Variants in COL15A1 observed in about 807,000 individuals in gnomAD.
COL15A1 encodes the protein collagen type XV alpha 1 chain.
COL15A1 carries 111 observed loss-of-function variants against 165.9 expected under a neutral mutation model. That is an observed-to-expected ratio of 0.67 (90% CI 0.57 to 0.78). The LOEUF (loss-of-function observed/expected upper bound fraction) is 0.78. Among genes scored for constraint, COL15A1 ranks in the 30% least tolerant of loss-of-function variants. The pLI is 0.00. For missense variants in COL15A1, 1,745 were observed against 1,789.7 expected, an observed-to-expected ratio of 0.98 and a Z score of 0.45; for synonymous variants, 659 against 674.8, an observed-to-expected ratio of 0.98 and a Z score of 0.36.
intron 2 of COL15A1, among the ~76,000 whole-genome samples, chr9:98,952,232 C>T (rs1023733555): frequency 6.6e-6 from 1 of 152,148 alleles, no homozygotes; most frequent in Non-Finnish European, 1.5e-5. Context: ...GTAAGTCATT[C>T]CAATTCTTCC....
chr9:99,028,204 A>G (rs1839159962), intron 16 of COL15A1, among the ~76,000 whole-genome samples: 1 of 152,224 alleles, frequency 6.6e-6, no homozygotes, highest in Non-Finnish European at 1.5e-5. Context: ...TTTCTCTACA[A>G]AGAATAAGGT....
Position 99,034,955 on chromosome 9 carries a change from G to A in COL15A1, c.2080-59G>A. The A allele has an allele frequency of 3.5e-6, 5 of 1,431,726 alleles. No homozygotes were observed. In the South Asian group the frequency reaches 4.6e-5, roughly 13 times the overall value. 88.7% of individuals were successfully genotyped at this position (1,431,726 alleles called of 1,614,324 possible). Reference sequence around the variant, plus strand: ...GTGATTTTCTGATTCAGGCATGCATGTTGTTCCTTCCATGAGTGAACCCAG... The same window carrying A: ...GTGATTTTCTGATTCAGGCATGCATATTGTTCCTTCCATGAGTGAACCCAG... On this transcript the variant is annotated intron_variant, in intron 17 of 41. Coordinates refer to ENST00000375001, the MANE Select transcript of COL15A1 (RefSeq NM_001855.5).
At chr9:99,061,335 G>T (rs917630808) in intron 36 of COL15A1, among the ~76,000 whole-genome samples, 1 of 152,226 alleles carries the variant, frequency 6.6e-6, no homozygotes, top group East Asian at 1.9e-4. Context: ...ATTTCTTTGA[G>T]ATTTGATGCT....
chr9:99,051,858 C>A (rs534240901), intron 30 of COL15A1, among the ~76,000 whole-genome samples: 93 of 152,254 alleles, frequency 6.1e-4, no homozygotes, highest in Middle Eastern at 6.8e-3. Context: ...ACTCCAGACC[C>A]CTGAAACTTA....
chr9:98,996,282 C>T (rs1838541412), intron 5 of COL15A1, among the ~76,000 whole-genome samples: 1 of 152,218 alleles, frequency 6.6e-6, no homozygotes, highest in Non-Finnish European at 1.5e-5. Flanking sequence ...TGAATGCTGA[C>T]AAGCGCTGGG....
intron 36 of COL15A1, among the ~76,000 whole-genome samples, chr9:99,060,400 C>G (rs1283405587): frequency 6.7e-6 from 1 of 150,054 alleles, no homozygotes; most frequent in Non-Finnish European, 1.5e-5. Context: ...GTAGCTGGGA[C>G]TACAGATGCA....
At chr9:98,946,289 G>T (rs1837582531) in intron 2 of COL15A1, among the ~76,000 whole-genome samples, 1 of 152,138 alleles carries the variant, frequency 6.6e-6, no homozygotes, top group South Asian at 2.1e-4. Context: ...CTTCTAAGTG[G>T]CTGGGGTGGG....
chr9:99,002,732 T>C (rs146094630), intron 7 of COL15A1, among the ~76,000 whole-genome samples: 415 of 152,376 alleles, frequency 2.7e-3, no homozygotes, highest in African/African-American at 9.6e-3. Context: ...AAAGGGGCTC[T>C]GTGGTCAAAT....
intron 5 of COL15A1, among the ~76,000 whole-genome samples, chr9:98,991,771 G>C (rs1426631044): frequency 6.6e-6 from 1 of 151,914 alleles, no homozygotes; most frequent in East Asian, 1.9e-4. Flanking sequence ...GACACAGAGT[G>C]TTGATTGGTG....
intron 2 of COL15A1, among the ~76,000 whole-genome samples, chr9:98,972,146 CT>C (rs1838067800): frequency 1.3e-5 from 2 of 152,228 alleles, no homozygotes; most frequent in African/African-American, 2.4e-5. Context: ...TGCTGCCCCA[CT>C]TTATAGATTA....
At chr9:99,012,232 A>C (rs1286537237) in intron 9 of COL15A1, among the ~76,000 whole-genome samples, 1 of 152,366 alleles carries the variant, frequency 6.6e-6, no homozygotes, top group East Asian at 1.9e-4. Flanking sequence ...TTATCATTTA[A>C]TTTATGAGTA....
At chr9:98,977,657 G>A (rs1838162001) in intron 2 of COL15A1, among the ~76,000 whole-genome samples, 1 of 150,776 alleles carries the variant, frequency 6.6e-6, no homozygotes. Flanking sequence ...CGGACTCTGT[G>A]GAAACAAGGC....
intron 2 of COL15A1, among the ~76,000 whole-genome samples, chr9:98,969,717 G>C (rs1487253393): frequency 6.6e-6 from 1 of 152,232 alleles, no homozygotes; most frequent in Admixed American, 6.5e-5. Flanking sequence ...ATAAGGGTGT[G>C]CTTCCTGGAG....
At chr9:98,973,380 CT>C (rs1463716549) in intron 2 of COL15A1, among the ~76,000 whole-genome samples, 9 of 152,178 alleles carry the variant, frequency 5.9e-5, no homozygotes, top group African/African-American at 2.2e-4. Context: ...GAAAAATGCT[CT>C]TCTGTAATTC....
At chr9:98,947,415 G>A (rs1588485937) in intron 2 of COL15A1, among the ~76,000 whole-genome samples, 1 of 152,080 alleles carries the variant, frequency 6.6e-6, no homozygotes, top group South Asian at 2.1e-4. Flanking sequence ...ACTTTTTGGG[G>A]AGTGTTCTAA....
chr9:98,987,390 C>T, intron 4 of COL15A1, 22 bp downstream of exon 4: 1 of 1,592,074 alleles, frequency 6.3e-7, no homozygotes, highest in Non-Finnish European at 8.6e-7. Context: ...TACTATCCCA[C>T]AGTGGGCCCT....
chr9:98,960,925 T>C (rs1431441095), intron 2 of COL15A1, among the ~76,000 whole-genome samples: 1 of 152,222 alleles, frequency 6.6e-6, no homozygotes, highest in Non-Finnish European at 1.5e-5. Flanking sequence ...TTGCTGAGGA[T>C]GGGAAGGGCC....
intron 13 of COL15A1, among the ~76,000 whole-genome samples, chr9:99,022,510 C>G (rs1375049018): frequency 6.6e-6 from 1 of 152,202 alleles, no homozygotes; most frequent in Non-Finnish European, 1.5e-5. Context: ...CCTTCCCCAG[C>G]CCTGCCCAGT....
intron 38 of COL15A1, among the ~76,000 whole-genome samples, 174 bp downstream of exon 38, chr9:99,062,478 C>T (rs775186535): frequency 3.9e-5 from 6 of 152,132 alleles, no homozygotes; most frequent in African/African-American, 9.7e-5. Flanking sequence ...CACAGTAGAG[C>T]GGAGGAATAA....
Sources: gnomAD v4.1 joint callset for allele counts (sites outside exome capture counted in the v4.1 genomes callset) on GRCh38, gnomAD v4.1.1 for gene constraint, MANE v1.5 for transcripts, NCBI Gene and HGNC (gene_info 2026-07-23, HGNC 2026-07-21) for gene names.